Variants in SMG7 observed in about 807,000 individuals in gnomAD.
SMG7 encodes the protein nonsense-mediated mRNA decay factor SMG7.
Under a neutral mutation model 148.2 loss-of-function variants are expected in SMG7, and 34 were observed. The ratio of observed to expected loss-of-function variants is 0.23; its 90% CI spans 0.17 to 0.31. The LOEUF is 0.31. Ranked by LOEUF, SMG7 falls within the 10% of genes least tolerant of loss-of-function variation. SMG7 has a pLI of 1.00. For synonymous variants in SMG7, 492 were observed against 515.1 expected (o/e 0.96, Z 0.61); for missense variants, 1,114 against 1,408.4 (o/e 0.79, Z 3.35).
chr1:183,515,853 GT>G lies in SMG7; in HGVS notation c.62-16del. On this transcript the variant is annotated intron_variant, in intron 2 of 22. Coordinates refer to ENST00000688051, the MANE Select transcript of SMG7 (RefSeq NM_001375584.1). The stretch of plus-strand genomic sequence containing the variant: ...CTGGGGTTTATCTATCTACCGTTAT[GT>G]TTTTGTTTTTGTTACTCAGATTCTA... The G allele has an allele frequency of 6.7e-7, 1 of 1,494,478 alleles. No homozygotes were observed. Among genetic ancestry groups the G allele is most frequent in the Non-Finnish European group, 9.3e-7 (1 of 1,071,994 alleles). The allele number at this position is 1,494,478 out of a possible 1,614,324, so 92.6% of individuals were successfully genotyped here.
chr1:183,474,771 C>T (rs182792921), intron 1 of SMG7, among the ~76,000 whole-genome samples: 4 of 152,300 alleles, frequency 2.6e-5, no homozygotes, highest in Admixed American at 6.5e-5. Flanking sequence ...AACAACTCCA[C>T]CCTCCTTTTA....
chr1:183,502,460 C>T, intron 1 of SMG7: 7 of 1,160,228 alleles, frequency 6.0e-6, no homozygotes, highest in Non-Finnish European at 7.0e-6. Context: ...TATTCATACT[C>T]TGTGAATACT....
Position 183,502,428 on chromosome 1 carries a change from T to C in SMG7, c.30-10409T>C, listed in dbSNP as rs1460103936. ...ATTACAAGGGATTTCTACATGTTTT[T>C]ATTCCTTTTGGAGATGTGTATTATT... On this transcript the variant is annotated intron_variant, in intron 1 of 22. Coordinates refer to ENST00000688051, the MANE Select transcript of SMG7 (RefSeq NM_001375584.1). 4 of 1,490,308 alleles carry C rather than the reference T, an allele frequency of 2.7e-6. No homozygotes were observed. In the East Asian group the frequency reaches 9.9e-5, roughly 37 times the overall value. The allele number at this position is 1,490,308 out of a possible 1,614,324, so 92.3% of individuals were successfully genotyped here.
intron 4 of SMG7, among the ~76,000 whole-genome samples, chr1:183,524,601 A>G (rs1665448568): frequency 6.6e-6 from 1 of 152,228 alleles, no homozygotes; most frequent in African/African-American, 2.4e-5. Context: ...TTGAGCCCTT[A>G]GGGTGTCTTA....
chr1:183,502,714 C>A lies in SMG7; in HGVS notation c.30-10123C>A, dbSNP rs557625351. On this transcript the variant is annotated intron_variant, in intron 1 of 22. Transcript: ENST00000688051. ...AAACGTAGGGACACATGATTTATAC[C>A]TCATCCTTTAGAATGAAAGTTTCTG... Among the ~76,000 whole-genome samples the A allele has an allele frequency of 2.2e-4, 34 of 152,090 alleles. 1 individual carries two copies. The highest frequency in any genetic ancestry group is 2.2e-3 in the Admixed American group (33 of 15,274).
At position 183,552,786 on chromosome 1, in the gene SMG7, C is replaced by G. The variant is rs41263644; in HGVS notation, c.*855C>G. On this transcript the variant is annotated 3_prime_UTR_variant, in exon 23 of 23. Coordinates refer to ENST00000688051, the MANE Select transcript of SMG7 (RefSeq NM_001375584.1). ...AGCAAGCAGTCTCACAGAAGGCAGGCTAGTCCATTCACAGCCTGACACGTT... is the reference window on the plus strand; with the variant it reads ...AGCAAGCAGTCTCACAGAAGGCAGGGTAGTCCATTCACAGCCTGACACGTT... 3.3e-5 allele frequency: 47 copies of G among 1,411,898 alleles called. No individual in the cohort carries two copies. The highest frequency in any genetic ancestry group is 4.1e-5 in the Non-Finnish European group (44 of 1,085,932). The allele number at this position is 1,411,898 out of a possible 1,614,324, so 87.5% of individuals were successfully genotyped here. A position where few individuals can be genotyped will look rare whatever the true frequency, so the allele number is the denominator to read the frequency against.
At chr1:183,548,934 C>T (rs1410253716) in intron 18 of SMG7, 2 of 452,094 alleles carry the variant, frequency 4.4e-6, no homozygotes, top group African/African-American at 2.0e-5. Flanking sequence ...GCCTCATAAA[C>T]ACTCAGAGTG....
chr1:183,551,186 T>C lies in SMG7; in HGVS notation c.3446T>C (p.Leu1149Pro), dbSNP rs1464745375. ...TCCTCTGCTGTCCTCATGGAAAGCC[T>C]AAAGGTGAGTAGATTTCAGGAACAA... is the stretch of plus-strand genomic sequence containing the variant. ...EDSSAVLMES[L>P]KSIWSSSMMH... is the part of the protein sequence containing the mutation. The change falls in exon 22 of 23, where the codon CTA (leucine) becomes CCA (proline). Residue 1149 changes from leucine (L) to proline (P), a missense_variant. This residue lies in a region of SMG7 where 788 missense variants were observed against 894.5 expected (regional missense o/e 0.88). Coordinates refer to ENST00000688051, the MANE Select transcript of SMG7 (RefSeq NM_001375584.1). The C allele has an allele frequency of 6.4e-7, 1 of 1,565,480 alleles. No homozygotes were observed. Among genetic ancestry groups the C allele is most frequent in the South Asian group, 1.2e-5 (1 of 82,674 alleles).
chr1:183,549,077 C>A, intron 18 of SMG7, 131 bp from the exon 19 acceptor site: 2 of 663,596 alleles, frequency 3.0e-6, no homozygotes, highest in Non-Finnish European at 5.2e-6. Flanking sequence ...GAATTCACAT[C>A]TTCTGAGCCT....
chr1:183,545,823 C>A, intron 16 of SMG7, 143 bp from the exon 17 acceptor site: 1 of 882,816 alleles, frequency 1.1e-6, no homozygotes, highest in Non-Finnish European at 1.7e-6. Context: ...TATTGAATAG[C>A]CCAAAAGGTA....
chr1:183,533,869 T>G (rs1667276893), intron 10 of SMG7, 37 bp downstream of exon 10: 2 of 1,555,022 alleles, frequency 1.3e-6, no homozygotes, highest in Non-Finnish European at 1.8e-6. Context: ...ACTTGTGTGC[T>G]TTGTTTGTTT....
Position 183,492,651 on chromosome 1 carries a change from CCTT to C in SMG7, c.29+20005_29+20007del. ...TCAGTTTGGGGAGAATTATATAAATCCTTCTGAAGAATCAGCTTTTGTCTTTCA... is the reference window on the plus strand; with the variant it reads ...TCAGTTTGGGGAGAATTATATAAATCCTGAAGAATCAGCTTTTGTCTTTCA... On this transcript the variant is annotated intron_variant, in intron 1 of 22. Transcript: ENST00000688051. Among the ~76,000 whole-genome samples the C allele has an allele frequency of 2.0e-5, 3 of 152,280 alleles. No homozygotes were observed. In the South Asian group the frequency reaches 6.2e-4, roughly 32 times the overall value.
At chr1:183,498,271 C>G (rs1424176437) in intron 1 of SMG7, among the ~76,000 whole-genome samples, 2 of 152,106 alleles carry the variant, frequency 1.3e-5, no homozygotes, top group Admixed American at 6.6e-5. Context: ...TGGCTCATAC[C>G]TGTAATCCCA....
chr1:183,495,195 G>A (rs963163103), intron 1 of SMG7, among the ~76,000 whole-genome samples: 18 of 151,952 alleles, frequency 1.2e-4, no homozygotes, highest in African/African-American at 3.6e-4. Flanking sequence ...GTTTTTCAGC[G>A]ATTTGATTAA....
intron 1 of SMG7, among the ~76,000 whole-genome samples, chr1:183,503,426 A>G (rs539306018): frequency 9.2e-5 from 14 of 152,338 alleles, no homozygotes; most frequent in African/African-American, 2.9e-4. Flanking sequence ...AAATAAAAAA[A>G]AATAACATCC....
chr1:183,499,172 T>C lies in SMG7; in HGVS notation c.30-13665T>C, dbSNP rs574939669. Reference sequence around the variant, plus strand: ...CTGAAGGATATCTTGGTTGCTTCAGTAGGTGAATGGATAAATTAGTTTTCA... The same window carrying C: ...CTGAAGGATATCTTGGTTGCTTCAGCAGGTGAATGGATAAATTAGTTTTCA... On this transcript the variant is annotated intron_variant, in intron 1 of 22. Transcript: ENST00000688051. Among the ~76,000 whole-genome samples the C allele has an allele frequency of 3.3e-5, 5 of 152,350 alleles. No individual in the cohort carries two copies. The East Asian group carries it at 7.7e-4, about 23-fold the overall frequency.
In SMG7 at chr1:183,514,367, A is replaced by G. The variant is rs192112087; in HGVS notation, c.61+1499A>G. Among the ~76,000 whole-genome samples, 157 of 152,316 alleles carry G rather than the reference A, an allele frequency of 1.0e-3. 1 individual carries two copies. The highest frequency in any genetic ancestry group is 1.9e-3 in the Non-Finnish European group (127 of 68,026). On this transcript the variant is annotated intron_variant, in intron 2 of 22. Coordinates refer to ENST00000688051, the MANE Select transcript of SMG7 (RefSeq NM_001375584.1). ...AATCTCGTGTCATCTTGTTCAAGGA[A>G]AAGTGTGTTGGGGGGTGAATAGCTT...
chr1:183,537,748 T>C (rs937758016), intron 11 of SMG7, among the ~76,000 whole-genome samples: 2 of 152,244 alleles, frequency 1.3e-5, no homozygotes, highest in Non-Finnish European at 2.9e-5. Context: ...TTAAGCATTT[T>C]GAAAACATGA....
Position 183,545,315 on chromosome 1 carries a change from A to C in SMG7, c.2370+3A>C, listed in dbSNP as rs1669732497. On this transcript the variant is annotated splice_donor_region_variant and intron_variant, in intron 16 of 22. Coordinates refer to ENST00000688051, the MANE Select transcript of SMG7 (RefSeq NM_001375584.1). ...CTCACCACTCTGGATTCCAGCAGGT[A>C]AGTTACAGTTGTGTGTACTATCCAG... 6.2e-7 allele frequency: 1 copy of C among 1,606,474 alleles called. No individual in the cohort carries two copies. Among genetic ancestry groups the C allele is most frequent in the Non-Finnish European group, 8.5e-7 (1 of 1,179,678 alleles).
Sources: gnomAD v4.1 joint callset for allele counts (sites outside exome capture counted in the v4.1 genomes callset) on GRCh38, gnomAD v4.1.1 for gene constraint, gnomAD v4.1.1 regional missense constraint, MANE v1.5 for transcripts, NCBI Gene and HGNC (gene_info 2026-07-23, HGNC 2026-07-21) for gene names.